GULP1: variants seen among roughly 807,000 people sequenced by gnomAD.
GULP1 encodes the protein GULP PTB domain containing engulfment adaptor 1.
A neutral mutation model predicts 40.9 loss-of-function variants in GULP1; 19 were observed. That is an observed-to-expected ratio of 0.46 (90% CI 0.32 to 0.68). The LOEUF is 0.68. Ranked by LOEUF, GULP1 falls within the 30% of genes least tolerant of loss-of-function variation. The pLI is 0.03. For synonymous variants in GULP1, 119 were observed against 117.6 expected (o/e 1.01, Z -0.08); for missense variants, 312 against 362.2 (o/e 0.86, Z 1.12).
chr2:188,484,078 C>T (rs2061657834), intron 4 of GULP1, among the ~76,000 whole-genome samples: 1 of 151,976 alleles, frequency 6.6e-6, no homozygotes. Flanking sequence ...CATGTGCCAC[C>T]ATGCTTTTTA....
chr2:188,434,377 CCTT>C (rs1345184627), intron 2 of GULP1, among the ~76,000 whole-genome samples: 1 of 151,002 alleles, frequency 6.6e-6, no homozygotes, highest in Non-Finnish European at 1.5e-5. Flanking sequence ...GAATATGTCT[CCTT>C]CTTGGTTATT....
chr2:188,578,492 G>A (rs1489463613), intron 9 of GULP1, among the ~76,000 whole-genome samples: 1 of 150,662 alleles, frequency 6.6e-6, no homozygotes, highest in Admixed American at 6.6e-5. Flanking sequence ...CTAGGTAACA[G>A]ACCTTCATGT....
rs1005654252 is a variant in GULP1, at chr2:188,386,086, A to T, written c.-45+2197A>T. ...ATTTACTGTATGAGTCTGTTTTCAC[A>T]CTGCTGATGACGACATACCCAAGAC... On this transcript the variant is annotated intron_variant, in intron 2 of 11. Coordinates refer to ENST00000409830, the MANE Select transcript of GULP1 (RefSeq NM_016315.4). Among the ~76,000 whole-genome samples, 87 of 152,162 alleles carry T rather than the reference A, an allele frequency of 5.7e-4. 5 individuals carry two copies. Among genetic ancestry groups the T allele is most frequent in the Non-Finnish European group, 1.5e-5 (1 of 68,030 alleles).
intron 1 of GULP1, among the ~76,000 whole-genome samples, chr2:188,296,914 C>T (rs936638697): frequency 3.3e-5 from 5 of 152,086 alleles, no homozygotes; most frequent in East Asian, 3.9e-4. Flanking sequence ...TTCTCTCTGT[C>T]TCTCTGTCTC....
chr2:188,483,478 C>T lies in GULP1; in HGVS notation c.76C>T (p.Pro26Ser), dbSNP rs765927248. The T allele has an allele frequency of 1.4e-6, 2 of 1,455,986 alleles. No homozygotes were observed. Among genetic ancestry groups the T allele is most frequent in the African/African-American group, 1.4e-5 (1 of 71,934 alleles). The allele number at this position is 1,455,986 out of a possible 1,614,324, so 90.2% of individuals were successfully genotyped here. ...TPEALSKHFIPYNAKFLGSTE... is the reference protein window; with the variant it reads ...TPEALSKHFISYNAKFLGSTE... ...TGAAGCTTTATCAAAACATTTCATT[C>T]CCTATAATGCAAAGGTAAAAATAGT... The change falls in exon 4 of 12, where the codon CCC becomes TCC. Residue 26 changes from proline (P) to serine (S), a missense_variant. Pro to Ser is a moderately conservative substitution (Grantham distance 74, BLOSUM62 -1). Coordinates refer to ENST00000409830, the MANE Select transcript of GULP1 (RefSeq NM_016315.4).
intron 2 of GULP1, among the ~76,000 whole-genome samples, chr2:188,401,252 C>T (rs2052249114): frequency 6.6e-6 from 1 of 151,792 alleles, no homozygotes; most frequent in Admixed American, 6.6e-5. Context: ...TATGAAATAA[C>T]TATTATAAAA....
chr2:188,531,760 A>G (rs1687600650), intron 6 of GULP1, among the ~76,000 whole-genome samples: 2 of 152,238 alleles, frequency 1.3e-5, no homozygotes, highest in South Asian at 4.1e-4. Context: ...TACATAAAGA[A>G]CAATAGACCA....
At position 188,325,253 on chromosome 2, in the gene GULP1, G is replaced by A. The variant is rs903100352; in HGVS notation, c.-172+33087G>A. On this transcript the variant is annotated intron_variant, in intron 1 of 11. Coordinates refer to ENST00000409830, the MANE Select transcript of GULP1 (RefSeq NM_016315.4). ...TGGACCATCCAAGCTTGCCAGAAAT[G>A]TATGAGGTCATAACAGTACTTGATG... is the stretch of plus-strand genomic sequence containing the variant. Among the ~76,000 whole-genome samples, 2 of 152,090 alleles carry A rather than the reference G, an allele frequency of 1.3e-5. 1 individual carries two copies. The highest frequency in any genetic ancestry group is 4.8e-5 in the African/African-American group (2 of 41,452).
chr2:188,449,005 T>C (rs2058623854), intron 2 of GULP1, among the ~76,000 whole-genome samples: 1 of 152,144 alleles, frequency 6.6e-6, no homozygotes. Flanking sequence ...CATCAGCCAA[T>C]AAAACCTATT....
At chr2:188,372,326 A>G (rs1420015076) in intron 1 of GULP1, among the ~76,000 whole-genome samples, 3 of 152,060 alleles carry the variant, frequency 2.0e-5, no homozygotes, top group Non-Finnish European at 4.4e-5. Flanking sequence ...CTAGTTGGTC[A>G]TTTACTTCTT....
At chr2:188,332,191 C>CTTT (rs11431434) in intron 1 of GULP1, among the ~76,000 whole-genome samples, 31 of 126,660 alleles carry the variant, frequency 2.4e-4, no homozygotes, top group Middle Eastern at 4.8e-3. Context: ...TTTCTTTATT[C>CTTT]TTTTTTTTTT....
At chr2:188,500,836 G>T (rs973108378) in intron 4 of GULP1, among the ~76,000 whole-genome samples, 1 of 151,668 alleles carries the variant, frequency 6.6e-6, no homozygotes, top group Non-Finnish European at 1.5e-5. Context: ...CCCTTAATTC[G>T]TATCTTCTAA....
chr2:188,314,629 A>T (rs1387597564), intron 1 of GULP1, among the ~76,000 whole-genome samples: 1 of 152,174 alleles, frequency 6.6e-6, no homozygotes, highest in East Asian at 1.9e-4. Context: ...TAAGTAGATT[A>T]TACTGTGCTC....
At chr2:188,340,465 C>G (rs1258273763) in intron 1 of GULP1, among the ~76,000 whole-genome samples, 16 of 152,282 alleles carry the variant, frequency 1.1e-4, no homozygotes, top group Non-Finnish European at 5.9e-5. Context: ...GCAAGTGCTT[C>G]TGGGCACCAG....
At chr2:188,368,420 A>G (rs2047095748) in intron 1 of GULP1, among the ~76,000 whole-genome samples, 1 of 151,990 alleles carries the variant, frequency 6.6e-6, no homozygotes, top group Non-Finnish European at 1.5e-5. Flanking sequence ...ATCTCTACTA[A>G]AAATGGAAAA....
At chr2:188,342,115 A>G (rs978878248) in intron 1 of GULP1, among the ~76,000 whole-genome samples, 2 of 152,244 alleles carry the variant, frequency 1.3e-5, no homozygotes, top group African/African-American at 2.4e-5. Context: ...ATATTGGGTT[A>G]GTAATGGCTA....
intron 4 of GULP1, among the ~76,000 whole-genome samples, chr2:188,512,775 T>C (rs947095522): frequency 4.9e-4 from 75 of 152,236 alleles, no homozygotes; most frequent in African/African-American, 1.8e-3. Flanking sequence ...CACATTTTGT[T>C]AAATAGAATA....
At chr2:188,380,888 T>A (rs2048927519) in intron 1 of GULP1, among the ~76,000 whole-genome samples, 1 of 152,150 alleles carries the variant, frequency 6.6e-6, no homozygotes, top group Non-Finnish European at 1.5e-5. Flanking sequence ...TATTGCAGCA[T>A]TAATAATGTT....
chr2:188,571,728 A>G (rs1161346200), intron 9 of GULP1, among the ~76,000 whole-genome samples: 1 of 152,220 alleles, frequency 6.6e-6, no homozygotes, highest in Non-Finnish European at 1.5e-5. Context: ...TTTTGTTGAA[A>G]TTCATATTGT....
Sources: allele counts gnomAD v4.1 joint callset (sites outside exome capture counted in the v4.1 genomes callset), GRCh38; gene constraint gnomAD v4.1.1; transcripts MANE v1.5; gene names NCBI Gene and HGNC (gene_info 2026-07-23, HGNC 2026-07-21).